Variants in BPIFB4 observed in about 807,000 individuals in gnomAD.
BPIFB4 encodes the protein BPI fold-containing family B member 4.
In BPIFB4, 62 loss-of-function variants were observed where a neutral mutation model predicts 69.2. The ratio of observed to expected loss-of-function variants is 0.90; its 90% CI spans 0.73 to 1.11. The LOEUF (loss-of-function observed/expected upper bound fraction) is 1.11. BPIFB4 is among the 50% of genes least tolerant of loss of function. The pLI is 0.00. For synonymous variants in BPIFB4, 330 were observed against 332.7 expected (o/e 0.99, Z 0.09); for missense variants, 789 against 792.0 (o/e 1.00, Z 0.04).
At chr20:33,099,134 A>T (rs1362407786) in intron 13 of BPIFB4, among the ~76,000 whole-genome samples, 2 of 151,988 alleles carry the variant, frequency 1.3e-5, no homozygotes, top group Admixed American at 6.6e-5. Flanking sequence ...TTCTCCCTCC[A>T]TGATTAAGGC....
chr20:33,095,110 T>C lies in BPIFB4; in HGVS notation c.1355T>C (p.Leu452Pro). ...CTTCTTGTCCTATAGTTTGAAGAGC[T>C]TCCTCCACTTACCACAGCCACACTG... The part of the protein sequence containing the change: ...LDITNGMFEE[L>P]PPLTTATLGA... Residue 452 changes from leucine (L) to proline (P), a missense_variant, in exon 12 of 18, where the codon CTT becomes CCT. Around this residue, in one of 3 missense-constraint regions of BPIFB4, gnomAD observed 8 missense variants for 23.0 expected, o/e 0.35. Transcript: ENST00000375483. 1 of 1,612,658 alleles carries C rather than the reference T, an allele frequency of 6.2e-7. No individual in the cohort carries two copies. The highest frequency in any genetic ancestry group is 8.5e-7 in the Non-Finnish European group (1 of 1,178,678).
intron 16 of BPIFB4, 33 bp downstream of exon 16, chr20:33,104,906 T>G: frequency 6.2e-7 from 1 of 1,606,656 alleles, no homozygotes; most frequent in South Asian, 1.1e-5. Context: ...CTCTGGGAGC[T>G]TGTGGCTTGG....
intron 11 of BPIFB4, among the ~76,000 whole-genome samples, chr20:33,093,351 C>T (rs1981663445): frequency 6.6e-6 from 1 of 151,908 alleles, no homozygotes. Context: ...ATTTATCCAC[C>T]AGTCCTTCCA....
At chr20:33,092,007 G>T (rs1466703616) in intron 10 of BPIFB4, among the ~76,000 whole-genome samples, 1 of 152,162 alleles carries the variant, frequency 6.6e-6, no homozygotes, top group Non-Finnish European at 1.5e-5. Flanking sequence ...GCTCCATGGT[G>T]GGGGTAGTGG....
intron 12 of BPIFB4, among the ~76,000 whole-genome samples, chr20:33,096,195 A>G (rs770690634): frequency 2.0e-5 from 3 of 152,190 alleles, no homozygotes; most frequent in Non-Finnish European, 2.9e-5. Flanking sequence ...GGACCCCTCA[A>G]TCAACTGGAC....
chr20:33,096,245 T>A (rs565170403), intron 12 of BPIFB4, among the ~76,000 whole-genome samples: 1 of 152,230 alleles, frequency 6.6e-6, no homozygotes, highest in East Asian at 1.9e-4. Context: ...CACTGCACTT[T>A]ACAGCTTATG....
chr20:33,083,983 A>C (rs1600552908), intron 5 of BPIFB4, 109 bp downstream of exon 5: 1 of 1,315,994 alleles, frequency 7.6e-7, no homozygotes, highest in Non-Finnish European at 1.0e-6. Context: ...AGCCCCACAC[A>C]CTTCAGGGTT....
At chr20:33,103,337 T>C (rs1981957454) in intron 15 of BPIFB4, among the ~76,000 whole-genome samples, 1 of 152,216 alleles carries the variant, frequency 6.6e-6, no homozygotes, top group Non-Finnish European at 1.5e-5. Flanking sequence ...GTGGGCAGCC[T>C]TGTCCTACAG....
Position 33,095,096 on chromosome 20 carries a change from A to G in BPIFB4, c.1345-4A>G, listed in dbSNP as rs370510831. ...TTCACGTGGCCCTTCTTCTTGTCCT[A>G]TAGTTTGAAGAGCTTCCTCCACTTA... On this transcript the variant is annotated splice_polypyrimidine_tract_variant and splice_region_variant and intron_variant, in intron 11 of 17. Coordinates refer to ENST00000375483, the MANE Select transcript of BPIFB4 (RefSeq NM_182519.3). 63 of 1,610,462 alleles carry G rather than the reference A, an allele frequency of 3.9e-5. No homozygotes were observed. The highest frequency in any genetic ancestry group is 1.6e-4 in the East Asian group (7 of 44,848).
chr20:33,080,099 A>T (rs1019873188), intron 1 of BPIFB4, among the ~76,000 whole-genome samples: 1 of 152,232 alleles, frequency 6.6e-6, no homozygotes, highest in Non-Finnish European at 1.5e-5. Context: ...AAGCCAGAAA[A>T]AAATTATTGC....
chr20:33,100,880 G>T lies in BPIFB4; in HGVS notation c.1637+387G>T, dbSNP rs560058404. ...AAATAGAAAAATTAGCTGGGCATAGGTACACACGTGTAGTCCTAGAAAAAA... is the reference window on the plus strand; with the variant it reads ...AAATAGAAAAATTAGCTGGGCATAGTTACACACGTGTAGTCCTAGAAAAAA... On this transcript the variant is annotated intron_variant, in intron 14 of 17. Coordinates refer to ENST00000375483, the MANE Select transcript of BPIFB4 (RefSeq NM_182519.3). Among the ~76,000 whole-genome samples, 14 of 150,690 alleles carry T rather than the reference G, an allele frequency of 9.3e-5. No homozygotes were observed. The South Asian group carries it at 3.0e-3, about 32-fold the overall frequency.
chr20:33,111,332 C>A (rs1209629757), intron 17 of BPIFB4, 82 bp from the exon 18 acceptor site: 3 of 1,571,294 alleles, frequency 1.9e-6, no homozygotes, highest in Non-Finnish European at 2.6e-6. Context: ...ACATGACCGG[C>A]CAGATCCGTA....
chr20:33,098,140 G>A (rs2424953), intron 13 of BPIFB4, among the ~76,000 whole-genome samples: 85,672 of 151,940 alleles, frequency 0.56, 24,706 homozygotes, highest in Middle Eastern at 0.63. Context: ...TTTCTCCTCT[G>A]CCACAGGGGG....
At chr20:33,089,103 A>G in intron 8 of BPIFB4, 74 bp downstream of exon 8, 1 of 1,607,078 alleles carries the variant, frequency 6.2e-7, no homozygotes, top group Non-Finnish European at 8.5e-7. Flanking sequence ...TCCAGCCTCC[A>G]TCCCTGGGGG....
In BPIFB4 at chr20:33,083,443, T is replaced by C. The variant is rs1033843546; in HGVS notation, c.246T>C (p.Asp82=). The change falls in exon 5 of 18, where the codon GAT becomes GAC. Residue 82 remains aspartate, a synonymous_variant. Transcript: ENST00000375483. ...PPVYTNGKKL[D]GIYQYGHIET... ...TATATACCAACGGCAAAAAACTTGA[T>C]GGTATTTACCAGTATGGTCACATTG... 3.7e-6 allele frequency: 6 copies of C among 1,613,710 alleles called. No individual in the cohort carries two copies. Among genetic ancestry groups the C allele is most frequent in the Non-Finnish European group, 4.2e-6 (5 of 1,179,898 alleles).
At chr20:33,084,853 G>A (rs371062075) in intron 5 of BPIFB4, 39 bp from the exon 6 acceptor site, 3 of 1,593,468 alleles carry the variant, frequency 1.9e-6, no homozygotes, top group African/African-American at 1.3e-5. Flanking sequence ...GGTGGTAGTT[G>A]GGGTGGCCGG....
At chr20:33,095,557 G>C (rs542195816) in intron 12 of BPIFB4, among the ~76,000 whole-genome samples, 1 of 152,136 alleles carries the variant, frequency 6.6e-6, no homozygotes, top group Admixed American at 6.6e-5. Context: ...GTGTCAACGC[G>C]GGCCAGGCAC....
intron 12 of BPIFB4, 44 bp downstream of exon 12, chr20:33,095,197 T>G: frequency 1.3e-6 from 2 of 1,536,632 alleles, no homozygotes; most frequent in Non-Finnish European, 1.8e-6. Flanking sequence ...CCTCATTCTC[T>G]ATCTTGTTTG....
At chr20:33,100,628 C>T (rs1332240480) in intron 14 of BPIFB4, 135 bp downstream of exon 14, 4 of 719,120 alleles carry the variant, frequency 5.6e-6, no homozygotes, top group Non-Finnish European at 9.0e-6. Context: ...GTGACGATGG[C>T]TCATGCCTAC....
Sources: allele counts gnomAD v4.1 joint callset (sites outside exome capture counted in the v4.1 genomes callset), GRCh38; gene constraint gnomAD v4.1.1; regional missense constraint gnomAD v4.1.1; transcripts MANE v1.5; gene names NCBI Gene and HGNC (gene_info 2026-07-23, HGNC 2026-07-21).